The following SERINC5 variants were observed in gnomAD, a reference collection of about 807,000 sequenced individuals.
SERINC5 encodes serine incorporator 5.
SERINC5 carries 41 observed loss-of-function variants against 63.1 expected under a neutral mutation model. That is an observed-to-expected ratio of 0.65 (90% CI 0.51 to 0.84). The LOEUF (loss-of-function observed/expected upper bound fraction) is 0.84. Among genes scored for constraint, SERINC5 ranks in the 40% least tolerant of loss-of-function variants. The pLI, the probability that SERINC5 is intolerant of heterozygous loss-of-function variation, is 0.00. For missense variants in SERINC5, 523 were observed against 573.0 expected, an observed-to-expected ratio of 0.91 and a Z score of 0.89; for synonymous variants, 222 against 215.2, an observed-to-expected ratio of 1.03 and a Z score of -0.28.
Position 80,255,878 on chromosome 5 carries a change from G to C in SERINC5, c.27+18C>G. On this transcript the variant is annotated intron_variant, in intron 1 of 11. Transcript: ENST00000507668. ...TCTCCGATCTGACAACCCCCGCGCTGCGCCCGGCCTCGCTCACCTGGCCCG... is the reference window on the plus strand; with the variant it reads ...TCTCCGATCTGACAACCCCCGCGCTCCGCCCGGCCTCGCTCACCTGGCCCG... 1.3e-6 allele frequency: 2 copies of C among 1,589,924 alleles called. No homozygotes were observed. The highest frequency in any genetic ancestry group is 1.7e-6 in the Non-Finnish European group (2 of 1,172,490).
intron 1 of SERINC5, among the ~76,000 whole-genome samples, chr5:80,231,165 G>C (rs1056154419): frequency 2.0e-5 from 3 of 152,126 alleles, no homozygotes; most frequent in African/African-American, 4.8e-5. Context: ...AAGAGAAAAA[G>C]GGAATAGTAC....
At chr5:80,242,681 C>T (rs541921364) in intron 1 of SERINC5, among the ~76,000 whole-genome samples, 2 of 152,142 alleles carry the variant, frequency 1.3e-5, no homozygotes, top group African/African-American at 4.8e-5. Context: ...ACCCAGGAGG[C>T]GGAGGTTGCA....
At chr5:80,198,162 AG>A (rs1210114106) in intron 2 of SERINC5, among the ~76,000 whole-genome samples, 2 of 152,158 alleles carry the variant, frequency 1.3e-5, no homozygotes, top group African/African-American at 4.8e-5. Context: ...TTAATCCCCC[AG>A]GTATCAAATC....
At chr5:80,158,106 G>A (rs748846676) in intron 8 of SERINC5, 3 of 152,194 alleles carry the variant, frequency 2.0e-5, no homozygotes, top group Non-Finnish European at 4.4e-5. Flanking sequence ...AAGGCTAAAT[G>A]TGAAAAGGTT....
At chr5:80,199,254 T>C (rs1432863649) in intron 2 of SERINC5, among the ~76,000 whole-genome samples, 1 of 152,150 alleles carries the variant, frequency 6.6e-6, no homozygotes, top group Non-Finnish European at 1.5e-5. Flanking sequence ...AACCCCACCA[T>C]TTAATAGCTG....
At chr5:80,120,677 T>C (rs1315758164) in intron 11 of SERINC5, among the ~76,000 whole-genome samples, 1 of 151,640 alleles carries the variant, frequency 6.6e-6, no homozygotes, top group Non-Finnish European at 1.5e-5. Context: ...TAGCCAGGTG[T>C]GGGGGCAGGC....
chr5:80,220,735 G>T (rs1750862816), intron 1 of SERINC5, among the ~76,000 whole-genome samples: 1 of 152,046 alleles, frequency 6.6e-6, no homozygotes, highest in African/African-American at 2.4e-5. Context: ...GAGGGCTCCA[G>T]ACAGGAAACT....
intron 1 of SERINC5, among the ~76,000 whole-genome samples, chr5:80,229,567 G>A (rs1226320751): frequency 1.3e-5 from 2 of 152,030 alleles, no homozygotes; most frequent in Admixed American, 6.6e-5. Flanking sequence ...TTAATGTAGG[G>A]AGAAATCTCT....
intron 11 of SERINC5, among the ~76,000 whole-genome samples, chr5:80,125,518 G>C (rs1313742412): frequency 7.2e-5 from 11 of 152,184 alleles, no homozygotes; most frequent in Non-Finnish European, 1.2e-4. Context: ...ATATTGGAGT[G>C]AGAGTACTGG....
At chr5:80,166,825 A>G (rs1259567270) in intron 6 of SERINC5, 2 of 211,068 alleles carry the variant, frequency 9.5e-6, no homozygotes, top group Non-Finnish European at 1.9e-5. Context: ...AAAAATTACC[A>G]TAGTTGTTGA....
At chr5:80,200,493 C>CAAAAG (rs752957431) in intron 2 of SERINC5, among the ~76,000 whole-genome samples, 5 of 149,464 alleles carry the variant, frequency 3.3e-5, no homozygotes, top group African/African-American at 1.2e-4. Context: ...CTCAAAAAAA[C>CAAAAG]AAAAGAAAAG....
intron 12 of SERINC5, chr5:80,111,722 G>A (rs1744117183): frequency 1.3e-5 from 2 of 152,174 alleles, no homozygotes; most frequent in South Asian, 4.1e-4. Flanking sequence ...AGTCAATCAG[G>A]TTAATACAAG....
chr5:80,237,964 C>T (rs551723644), intron 1 of SERINC5, among the ~76,000 whole-genome samples: 7 of 151,558 alleles, frequency 4.6e-5, no homozygotes, highest in Non-Finnish European at 1.0e-4. Flanking sequence ...ATTAGCTGGG[C>T]GTGGTGGCGC....
chr5:80,214,206 T>C (rs768989779), intron 1 of SERINC5, among the ~76,000 whole-genome samples: 3 of 152,192 alleles, frequency 2.0e-5, no homozygotes, highest in Non-Finnish European at 4.4e-5. Flanking sequence ...TAGAGTATGA[T>C]AGCATTTTGG....
intron 2 of SERINC5, among the ~76,000 whole-genome samples, chr5:80,200,067 A>T (rs1415056791): frequency 6.6e-6 from 1 of 151,960 alleles, no homozygotes; most frequent in Non-Finnish European, 1.5e-5. Context: ...CTGAGGCAGG[A>T]GGATCGATTG....
chr5:80,212,460 C>T (rs1160993957), intron 1 of SERINC5, among the ~76,000 whole-genome samples: 1 of 152,142 alleles, frequency 6.6e-6, no homozygotes, highest in Admixed American at 6.5e-5. Flanking sequence ...CCTTCCTTCT[C>T]TTTTGAAGCT....
chr5:80,232,657 A>G (rs1273087657), intron 1 of SERINC5, among the ~76,000 whole-genome samples: 4 of 151,846 alleles, frequency 2.6e-5, no homozygotes, highest in Admixed American at 2.6e-4. Context: ...AGTGGCACAC[A>G]CCTATATTCC....
At chr5:80,174,817 G>A (rs1747921029) in intron 5 of SERINC5, 137 bp downstream of exon 5, 1 of 574,726 alleles carries the variant, frequency 1.7e-6, no homozygotes. Context: ...AAGGAGAGGA[G>A]TAAATGAAGA....
chr5:80,162,506 T>C (rs1421223434), intron 7 of SERINC5, among the ~76,000 whole-genome samples: 1 of 152,162 alleles, frequency 6.6e-6, no homozygotes. Flanking sequence ...CATGAGTAGC[T>C]AGAACTACAG....
Sources: gnomAD v4.1 joint callset for allele counts (sites outside exome capture counted in the v4.1 genomes callset) on GRCh38, gnomAD v4.1.1 for gene constraint, MANE v1.5 for transcripts, NCBI Gene and HGNC (gene_info 2026-07-23, HGNC 2026-07-21) for gene names.